GGT1: variants seen among roughly 807,000 people sequenced by gnomAD.
The protein encoded by GGT1 is gamma-glutamyltransferase 1, also known as glutathione hydrolase 1 proenzyme.
GGT1 carries 21 observed loss-of-function variants against 56.0 expected under a neutral mutation model. That is an observed-to-expected ratio of 0.38 (90% confidence interval 0.27 to 0.54). GGT1 has a LOEUF of 0.54. GGT1 is among the 20% of genes least tolerant of loss of function. The pLI is 0.82. For synonymous variants in GGT1, 238 were observed against 342.6 expected (o/e 0.69, Z 3.37); for missense variants, 466 against 787.0 (o/e 0.59, Z 4.88).
chr22:24,620,372 C>A lies in GGT1; in HGVS notation c.427C>A (p.Leu143Met), dbSNP rs1390721123. The change falls in exon 8 of 16, where the codon CTG becomes ATG. Residue 143 changes from leucine to methionine, a missense_variant. Transcript: ENST00000400382. The surrounding 1 kb of genome is among the most constrained non-coding windows in gnomAD (Gnocchi z 5.6). The stretch of plus-strand genomic sequence containing the variant: ...GCCTGGGGAGATCCGAGGCTATGAG[C>A]TGGCACACCAGCGGCATGGGCGGCT... ...AVPGEIRGYE[L>M]AHQRHGRLPW... The A allele has an allele frequency of 1.9e-6, 3 of 1,611,562 alleles. No homozygotes were observed. Among genetic ancestry groups the A allele is most frequent in the Non-Finnish European group, 2.5e-6 (3 of 1,179,758 alleles).
chr22:24,608,933 A>G (rs1422551966), intron 2 of GGT1: 1 of 152,314 alleles, frequency 6.6e-6, no homozygotes, highest in Non-Finnish European at 1.5e-5. Flanking sequence ...TGCTGGGATT[A>G]TAGGTGTGAG....
At chr22:24,592,300 C>A, upstream of GGT1, 1 of 468,950 alleles carries the variant, frequency 2.1e-6, no homozygotes, top group South Asian at 1.6e-5. Flanking sequence ...AGGGCATGAG[C>A]CGCCTGTTGG....
chr22:24,617,831 A>G (rs1046005133), intron 7 of GGT1, among the ~76,000 whole-genome samples: 2 of 151,944 alleles, frequency 1.3e-5, no homozygotes, highest in Non-Finnish European at 2.9e-5. Context: ...TGAAGCTCAG[A>G]TGTCAAGCAG....
rs1011241143 is a variant in GGT1 at position 24,613,628 on chromosome 22, TA to T, written c.165-1146del. ...AGCCGGGCATGGTGGTGTGCGCCTG[TA>T]ATCCCAGCTACTCAGGAGGCTGAGG... On this transcript the variant is annotated intron_variant, in intron 5 of 15. Coordinates refer to ENST00000400382, the MANE Select transcript of GGT1 (RefSeq NM_001288833.2). Among the ~76,000 whole-genome samples, 5 of 151,720 alleles carry T rather than the reference TA, an allele frequency of 3.3e-5. 1 individual carries two copies. Among genetic ancestry groups the T allele is most frequent in the African/African-American group, 1.2e-4 (5 of 41,234 alleles).
chr22:24,609,618 G>C (rs2046539039), intron 2 of GGT1: 1 of 267,786 alleles, frequency 3.7e-6, no homozygotes, highest in Non-Finnish European at 7.8e-6. Flanking sequence ...GGGTGGAGTG[G>C]AGGGAAATCC....
At chr22:24,602,499 G>C (rs1391664432), upstream of GGT1, among the ~76,000 whole-genome samples, 2 of 152,194 alleles carry the variant, frequency 1.3e-5, no homozygotes, top group African/African-American at 4.8e-5. Flanking sequence ...TAGAGGCTTC[G>C]GCCTGCCAGC....
chr22:24,605,037 A>ATATATATATATATATATATATAT (rs1569047530), intron 1 of GGT1, among the ~76,000 whole-genome samples: 1 of 50,042 alleles, frequency 2.0e-5, no homozygotes, highest in African/African-American at 1.5e-4. Context: ...TATATATATA[A>ATATATATATATATATATATATAT]AATATGTAAT....
In GGT1 at chr22:24,627,922, C is replaced by T. The variant is rs372750547; in HGVS notation, c.1279C>T (p.Pro427Ser). Residue 427 changes from proline (P) to serine (S), a missense_variant, in exon 13 of 16, where the codon CCC becomes TCC. Physicochemically the swap from Pro to Ser is moderately conservative, Grantham distance 74 (BLOSUM62 -1). This residue lies in a region of GGT1 where 456 missense variants were observed against 716.7 expected (regional missense o/e 0.64). Transcript: ENST00000400382. ...FNNEMDDFSS[P>S]SITNEFGVPP... ...TAATGAAATGGACGACTTCAGCTCTCCCAGCATCACCAACGAGTTTGGGGT... is the reference window on the plus strand; with the variant it reads ...TAATGAAATGGACGACTTCAGCTCTTCCAGCATCACCAACGAGTTTGGGGT... The T allele has an allele frequency of 8.7e-6, 14 of 1,613,778 alleles. No individual in the cohort carries two copies. The South Asian group carries it at 1.1e-4, about 13-fold the overall frequency.
rs186765281 is a variant in GGT1 at position 24,614,888 on chromosome 22, A to G, written c.277A>G (p.Ile93Val). 0.014 allele frequency: 22,274 copies of G among 1,613,162 alleles called. 221 individuals are homozygous for G. Among genetic ancestry groups the G allele is most frequent in the Middle Eastern group, 0.032 (192 of 5,982 alleles). Residue 93 changes from isoleucine (I) to valine (V), a missense_variant, in exon 6 of 16, where the codon ATC (isoleucine) becomes GTC (valine). By Grantham distance (29) the Ile-to-Val change is conservative. Coordinates refer to ENST00000400382, the MANE Select transcript of GGT1 (RefSeq NM_001288833.2). ...MGIGGGLFLT[I>V]YNSTTRKAEV... ...CATCGGGGGTGGCCTCTTCCTCACCATCTACAACAGCACCACACGTGAGTG... is the reference window on the plus strand; with the variant it reads ...CATCGGGGGTGGCCTCTTCCTCACCGTCTACAACAGCACCACACGTGAGTG...
the GGT1 span, among the ~76,000 whole-genome samples, chr22:24,587,398 C>T: frequency 6.6e-6 from 1 of 152,220 alleles, no homozygotes; most frequent in Non-Finnish European, 1.5e-5. Flanking sequence ...GCCCACTAGG[C>T]AGACAGGCCT....
At chr22:24,603,057 G>A (rs2045810707), upstream of GGT1, 1 of 152,332 alleles carries the variant, frequency 6.6e-6, no homozygotes, top group Non-Finnish European at 1.5e-5. Flanking sequence ...ACAGCCTCAG[G>A]GATGGGACCA....
At chr22:24,617,909 G>A (rs2047172033) in intron 7 of GGT1, among the ~76,000 whole-genome samples, 1 of 151,852 alleles carries the variant, frequency 6.6e-6, no homozygotes, top group Non-Finnish European at 1.5e-5. Flanking sequence ...GGGAGACTCG[G>A]GTGGAGCCAG....
chr22:24,617,245 T>C (rs2047128523), intron 7 of GGT1, among the ~76,000 whole-genome samples: 1 of 151,908 alleles, frequency 6.6e-6, no homozygotes, highest in Admixed American at 6.6e-5. Flanking sequence ...TATCCAGGTG[T>C]GATGGCAGGG....
At chr22:24,605,021 G>GAGATATA (rs1444676892) in intron 1 of GGT1, among the ~76,000 whole-genome samples, 4 of 69,200 alleles carry the variant, frequency 5.8e-5, no homozygotes, top group African/African-American at 5.2e-4. Context: ...AATCCTGTAT[G>GAGATATA]TCATATATAT....
chr22:24,626,392 A>G (rs113275963), intron 11 of GGT1, among the ~76,000 whole-genome samples: 2,184 of 104,836 alleles, frequency 0.021, 403 homozygotes, highest in African/African-American at 0.075. Context: ...TCTCCTCGCC[A>G]CTGCCTTGGG....
chr22:24,588,978 C>T, the GGT1 span: 1 of 1,010,366 alleles, frequency 9.9e-7, no homozygotes, highest in African/African-American at 1.7e-5. Flanking sequence ...ATCCTTTATC[C>T]AGTCCCTCTG....
the GGT1 span, chr22:24,588,528 C>G: frequency 1.3e-6 from 1 of 767,770 alleles, no homozygotes; most frequent in East Asian, 2.9e-5. Context: ...AGGCTGCCCT[C>G]TGGGAGCTGG....
intron 11 of GGT1, 50 bp from the exon 12 acceptor site, chr22:24,627,382 T>TGGGC: frequency 1.5e-3 from 898 of 580,106 alleles, no homozygotes; most frequent in Middle Eastern, 2.2e-3. Context: ...CTGTGCCCCC[T>TGGGC]CCCCACCCTC....
the GGT1 span, chr22:24,586,309 C>A: frequency 4.3e-6 from 7 of 1,614,002 alleles, no homozygotes; most frequent in East Asian, 1.6e-4. Flanking sequence ...CATGGCTGCT[C>A]AGGTAGCGTG....
Sources: gnomAD v4.1 joint callset for allele counts (sites outside exome capture counted in the v4.1 genomes callset) on GRCh38, gnomAD v4.1.1 for gene constraint, gnomAD v4.1.1 regional missense constraint, Gnocchi (gnomAD v3.1) non-coding constraint, MANE v1.5 for transcripts, NCBI Gene and HGNC (gene_info 2026-07-23, HGNC 2026-07-21) for gene names.